SPTY2D1: variants seen among roughly 807,000 people sequenced by gnomAD.
The protein encoded by SPTY2D1 is protein SPT2 homolog.
In SPTY2D1, 21 loss-of-function variants were observed where a neutral mutation model predicts 64.0. The ratio of observed to expected loss-of-function variants is 0.33; its 90% CI spans 0.23 to 0.47. The LOEUF is 0.47. Among genes scored for constraint, SPTY2D1 ranks in the 20% least tolerant of loss-of-function variants. The probability of loss-of-function intolerance (pLI) is 1.00; values close to 1 mark genes in which losing one functional copy is unlikely to be tolerated. For synonymous variants in SPTY2D1, 287 were observed against 286.8 expected (o/e 1.00, Z -0.01); for missense variants, 724 against 837.2 (o/e 0.86, Z 1.67).
chr11:18,632,997 T>C (rs1854612519), intron 1 of SPTY2D1, among the ~76,000 whole-genome samples: 1 of 152,208 alleles, frequency 6.6e-6, no homozygotes, highest in African/African-American at 2.4e-5. Context: ...AATCTGTTGA[T>C]CTGGGTTTCA....
At position 18,634,184 on chromosome 11, in the gene SPTY2D1, C is replaced by T; in HGVS notation, c.60+14G>A. The T allele has an allele frequency of 6.2e-7, 1 of 1,614,188 alleles. No homozygotes were observed. The highest frequency in any genetic ancestry group is 8.5e-7 in the Non-Finnish European group (1 of 1,179,994). ...ACTAGGGTCCCCTACATTGATGCCCCAGCTGCTACTTACCGGCACATTGTT... is the reference window on the plus strand; with the variant it reads ...ACTAGGGTCCCCTACATTGATGCCCTAGCTGCTACTTACCGGCACATTGTT... On this transcript the variant is annotated intron_variant, in intron 1 of 5. Transcript: ENST00000336349.
At chr11:18,623,475 A>T (rs1204428090) in intron 1 of SPTY2D1, among the ~76,000 whole-genome samples, 1 of 151,866 alleles carries the variant, frequency 6.6e-6, no homozygotes, top group African/African-American at 2.4e-5. Context: ...TTATATGTCA[A>T]TTGGACTAGG....
At chr11:18,617,937 G>A (rs1012393550) in intron 1 of SPTY2D1, among the ~76,000 whole-genome samples, 14 of 152,230 alleles carry the variant, frequency 9.2e-5, no homozygotes, top group African/African-American at 2.9e-4. Context: ...GCAAAACTCC[G>A]TCTCAATCCA....
chr11:18,627,617 G>A (rs533987257), intron 1 of SPTY2D1, among the ~76,000 whole-genome samples: 4 of 152,146 alleles, frequency 2.6e-5, no homozygotes, highest in Non-Finnish European at 5.9e-5. Context: ...GGTGGCTCAC[G>A]CCTGTAATTC....
chr11:18,618,404 A>T (rs1451604195), intron 1 of SPTY2D1, among the ~76,000 whole-genome samples: 1 of 152,202 alleles, frequency 6.6e-6, no homozygotes, highest in African/African-American at 2.4e-5. Context: ...GCATCAAGAA[A>T]TTACTAAACT....
intron 2 of SPTY2D1, 115 bp from the exon 3 acceptor site, chr11:18,616,213 G>A: frequency 2.1e-6 from 2 of 936,394 alleles, no homozygotes; most frequent in Non-Finnish European, 1.6e-6. Context: ...AATCAAATGA[G>A]GAAGTCATGT....
intron 1 of SPTY2D1, among the ~76,000 whole-genome samples, chr11:18,625,424 C>T (rs986735912): frequency 1.3e-5 from 2 of 152,072 alleles, no homozygotes; most frequent in African/African-American, 4.8e-5. Flanking sequence ...GTCTCCAGTC[C>T]AACCTCTATG....
At chr11:18,633,452 C>G (rs528657392) in intron 1 of SPTY2D1, among the ~76,000 whole-genome samples, 32 of 152,330 alleles carry the variant, frequency 2.1e-4, no homozygotes, top group Admixed American at 2.0e-3. Context: ...ACCAGGCGCT[C>G]TCCACCACTT....
At chr11:18,619,757 A>G (rs1854361433) in intron 1 of SPTY2D1, among the ~76,000 whole-genome samples, 1 of 152,186 alleles carries the variant, frequency 6.6e-6, no homozygotes. Flanking sequence ...CTCCGTCTCA[A>G]TAAACAAAAA....
chr11:18,619,624 G>T (rs749341595), intron 1 of SPTY2D1, among the ~76,000 whole-genome samples: 8 of 152,094 alleles, frequency 5.3e-5, no homozygotes, highest in Non-Finnish European at 7.3e-5. Context: ...GGGCGTGGTG[G>T]TGCCTGCCTG....
At chr11:18,623,342 C>G (rs1854447185) in intron 1 of SPTY2D1, among the ~76,000 whole-genome samples, 1 of 152,158 alleles carries the variant, frequency 6.6e-6, no homozygotes, top group African/African-American at 2.4e-5. Flanking sequence ...AGCAATGACT[C>G]CATGTTCTTG....
intron 1 of SPTY2D1, among the ~76,000 whole-genome samples, chr11:18,621,463 T>A (rs1335992395): frequency 6.6e-6 from 1 of 152,136 alleles, no homozygotes; most frequent in African/African-American, 2.4e-5. Context: ...TTGAAAAGAA[T>A]AACAAAGGCT....
In SPTY2D1 at chr11:18,615,033, C is replaced by T; in HGVS notation, c.1241G>A (p.Gly414Glu). Residue 414 changes from glycine to glutamate, a missense_variant, in exon 3 of 6, where the codon GGG becomes GAG. This residue lies in a region of SPTY2D1 where 426 missense variants were observed against 431.8 expected (regional missense o/e 0.99). Transcript: ENST00000336349. ...TGAGTCATTGGTTGGCTTCTTGGACCCACTGATTGATCGCTCAGGTCCTGA... is the reference window on the plus strand; with the variant it reads ...TGAGTCATTGGTTGGCTTCTTGGACTCACTGATTGATCGCTCAGGTCCTGA... ...SSSGPERSIS[G>E]SKKPTNDSNP... 1 of 1,614,122 alleles carries T rather than the reference C, an allele frequency of 6.2e-7. No individual in the cohort carries two copies. Among genetic ancestry groups the T allele is most frequent in the South Asian group, 1.1e-5 (1 of 91,078 alleles).
chr11:18,617,912 A>C (rs1854327892), intron 1 of SPTY2D1, among the ~76,000 whole-genome samples: 1 of 152,236 alleles, frequency 6.6e-6, no homozygotes. Flanking sequence ...ACTGCACTCC[A>C]GGCTGGACAA....
intron 1 of SPTY2D1, among the ~76,000 whole-genome samples, chr11:18,621,501 C>A (rs927498333): frequency 6.6e-6 from 1 of 152,154 alleles, no homozygotes. Context: ...AAAGTATACA[C>A]CTATTCTCAT....
chr11:18,617,024 CA>C, intron 1 of SPTY2D1, 35 bp from the exon 2 acceptor site: 1 of 1,578,340 alleles, frequency 6.3e-7, no homozygotes, highest in Non-Finnish European at 8.7e-7. Context: ...AGAAGCAATT[CA>C]ACTTTTAAAA....
At chr11:18,613,069 A>G (rs1252949505) in intron 3 of SPTY2D1, among the ~76,000 whole-genome samples, 1 of 152,246 alleles carries the variant, frequency 6.6e-6, no homozygotes, top group East Asian at 1.9e-4. Flanking sequence ...GGCCAAAATC[A>G]GTAAAATTTC....
intron 5 of SPTY2D1, 166 bp from the exon 6 acceptor site, chr11:18,610,120 A>T (rs961659721): frequency 9.7e-6 from 5 of 516,560 alleles, no homozygotes; most frequent in Non-Finnish European, 1.7e-5. Context: ...TTTTTTTACC[A>T]GGGGCCACAG....
intron 1 of SPTY2D1, among the ~76,000 whole-genome samples, chr11:18,626,080 A>G (rs1854493029): frequency 6.6e-6 from 1 of 152,100 alleles, no homozygotes; most frequent in Admixed American, 6.6e-5. Context: ...AGCTTCCCAA[A>G]GAGCTGGGAT....
Sources: gnomAD v4.1 joint callset for allele counts (sites outside exome capture counted in the v4.1 genomes callset) on GRCh38, gnomAD v4.1.1 for gene constraint, gnomAD v4.1.1 regional missense constraint, MANE v1.5 for transcripts, NCBI Gene and HGNC (gene_info 2026-07-23, HGNC 2026-07-21) for gene names.